The following LIN54 variants were observed in gnomAD, a reference collection of about 807,000 sequenced individuals.
LIN54 encodes protein lin-54 homolog.
In LIN54, 9 loss-of-function variants were observed where a neutral mutation model predicts 78.7. That is an observed-to-expected ratio of 0.11 (90% CI 0.07 to 0.20). The LOEUF is 0.20. LIN54 is among the 10% of genes least tolerant of loss of function. The pLI is 1.00. For missense variants in LIN54, 573 were observed against 889.9 expected (o/e 0.64, Z 4.53); for synonymous variants, 269 against 318.4 (o/e 0.84, Z 1.65).
chr4:82,927,985 G>T lies in LIN54; in HGVS notation c.*117C>A. On this transcript the variant is annotated 3_prime_UTR_variant, in exon 13 of 13. Transcript: ENST00000340417. ...TTCTCCTTCAGTATTATAATTTCAG[G>T]TCTTTTAAAACAAGGACTGAATTAA... 1.3e-6 allele frequency: 1 copy of T among 786,750 alleles called. No individual in the cohort carries two copies. Among genetic ancestry groups the T allele is most frequent in the Non-Finnish European group, 2.1e-6 (1 of 477,514 alleles). 48.7% of individuals were successfully genotyped at this position (786,750 alleles called of 1,614,324 possible).
At chr4:82,954,815 T>A (rs1724152695) in intron 4 of LIN54, among the ~76,000 whole-genome samples, 1 of 152,048 alleles carries the variant, frequency 6.6e-6, no homozygotes, top group Non-Finnish European at 1.5e-5. Context: ...AAGGTCCACA[T>A]GCAAAAAAAG....
chr4:82,967,170 G>T (rs1725272572), intron 4 of LIN54, among the ~76,000 whole-genome samples: 1 of 150,348 alleles, frequency 6.7e-6, no homozygotes, highest in Non-Finnish European at 1.5e-5. Flanking sequence ...AGGTTGCAGT[G>T]AGCCGAGATG....
At chr4:82,931,660 A>C (rs769562266) in intron 11 of LIN54, among the ~76,000 whole-genome samples, 22 of 152,202 alleles carry the variant, frequency 1.4e-4, no homozygotes, top group Non-Finnish European at 2.5e-4. Flanking sequence ...TCAATAACCC[A>C]TATGAAACTA....
intron 1 of LIN54, among the ~76,000 whole-genome samples, chr4:83,004,653 C>T (rs1003078358): frequency 3.5e-5 from 5 of 144,146 alleles, no homozygotes; most frequent in Admixed American, 2.7e-4. Context: ...AGCCATCACA[C>T]TCTGGCCAAT....
In LIN54 at chr4:82,926,951, T is replaced by A. The variant is rs1004007505; in HGVS notation, c.*1151A>T. On this transcript the variant is annotated 3_prime_UTR_variant, in exon 13 of 13. Transcript: ENST00000340417. The stretch of plus-strand genomic sequence containing the variant: ...TCACGAGGTCAGGAGATCGAGACCA[T>A]CCTGGCTAACACGGTGAAACCCCGT... 2 of 152,038 alleles carry A rather than the reference T, an allele frequency of 1.3e-5. No homozygotes were observed. The highest frequency in any genetic ancestry group is 1.3e-4 in the Admixed American group (2 of 15,252). The allele number at this position is 152,038 out of a possible 1,614,324, so 9.4% of individuals were successfully genotyped here.
In LIN54 at chr4:82,941,835, T is replaced by A. The variant is rs77776120; in HGVS notation, c.1169-1873A>T. On this transcript the variant is annotated intron_variant, in intron 5 of 12. Coordinates refer to ENST00000340417, the MANE Select transcript of LIN54 (RefSeq NM_194282.4). ...GTTATTAGAACTAAAAACTCAAGGA[T>A]GAGCTATTTTAAAGGGAGGATGAAA... 1.8e-3 allele frequency among the ~76,000 whole-genome samples: 268 copies of A among 152,242 alleles called. 9 individuals are homozygous for A. The East Asian group carries it at 0.04, about 23-fold the overall frequency.
At chr4:83,006,448 C>CAAAAAA (rs1186424720) in intron 1 of LIN54, among the ~76,000 whole-genome samples, 1 of 60,058 alleles carries the variant, frequency 1.7e-5, no homozygotes, top group Non-Finnish European at 3.4e-5. Context: ...GACTCCGTCT[C>CAAAAAA]AAAAAAAAAA....
intron 4 of LIN54, among the ~76,000 whole-genome samples, chr4:82,967,200 T>TG (rs1725275985): frequency 6.8e-6 from 1 of 146,654 alleles, no homozygotes; most frequent in Non-Finnish European, 1.5e-5. Flanking sequence ...CACTCCAGCC[T>TG]GGTGACAGAG....
At chr4:82,979,936 T>C (rs1238327346) in intron 2 of LIN54, among the ~76,000 whole-genome samples, 29 of 32,608 alleles carry the variant, frequency 8.9e-4, no homozygotes, top group Non-Finnish European at 2.4e-3. Flanking sequence ...TGAGACTCTG[T>C]CTCAAAAAAA....
At chr4:82,987,968 C>A (rs1727321733) in intron 1 of LIN54, among the ~76,000 whole-genome samples, 1 of 152,204 alleles carries the variant, frequency 6.6e-6, no homozygotes, top group Non-Finnish European at 1.5e-5. Context: ...TGTCTTCCAC[C>A]GTGGTTGAAC....
intron 4 of LIN54, among the ~76,000 whole-genome samples, chr4:82,966,591 G>A (rs1382240099): frequency 6.6e-6 from 1 of 152,022 alleles, no homozygotes; most frequent in Non-Finnish European, 1.5e-5. Context: ...ACTGCAAGGA[G>A]AAACTGACAT....
chr4:82,945,799 ATC>A (rs1352953377), intron 5 of LIN54, among the ~76,000 whole-genome samples: 2 of 152,114 alleles, frequency 1.3e-5, no homozygotes, highest in Non-Finnish European at 2.9e-5. Flanking sequence ...TGGCCTTTTA[ATC>A]ACCTTTTTAG....
intron 5 of LIN54, among the ~76,000 whole-genome samples, chr4:82,940,681 G>GT (rs1722781096): frequency 6.6e-6 from 1 of 152,216 alleles, no homozygotes; most frequent in Middle Eastern, 3.2e-3. Context: ...GATTATAGGC[G>GT]TAAGCCACTG....
chr4:82,934,320 C>G (rs911258196), intron 11 of LIN54, among the ~76,000 whole-genome samples: 2 of 152,176 alleles, frequency 1.3e-5, no homozygotes, highest in African/African-American at 4.8e-5. Context: ...GCAGGAGAAT[C>G]GCTTGAACCC....
At chr4:82,959,474 G>A (rs1448772190) in intron 4 of LIN54, among the ~76,000 whole-genome samples, 1 of 151,714 alleles carries the variant, frequency 6.6e-6, no homozygotes, top group African/African-American at 2.4e-5. Context: ...CAGCCTAGGT[G>A]ACAAAGCAAG....
intron 4 of LIN54, among the ~76,000 whole-genome samples, chr4:82,963,797 G>A (rs1486532464): frequency 1.3e-5 from 2 of 151,952 alleles, no homozygotes; most frequent in South Asian, 4.1e-4. Context: ...AGAACATAAA[G>A]ATGAGACAAA....
chr4:83,004,768 GGATTACAGGTGTGA>G (rs774094390), intron 1 of LIN54, among the ~76,000 whole-genome samples: 21 of 152,098 alleles, frequency 1.4e-4, no homozygotes, highest in Non-Finnish European at 2.4e-4. Context: ...CAAGGTGCTG[GGATTACAGGTGTGA>G]GCCACTGTGC....
chr4:82,950,569 T>C (rs769521257), intron 4 of LIN54, among the ~76,000 whole-genome samples: 6 of 152,212 alleles, frequency 3.9e-5, no homozygotes, highest in Non-Finnish European at 8.8e-5. Context: ...GTGCATTCAG[T>C]AAAAATCTTC....
intron 4 of LIN54, among the ~76,000 whole-genome samples, chr4:82,946,884 A>G (rs1723398355): frequency 6.6e-6 from 1 of 152,110 alleles, no homozygotes; most frequent in African/African-American, 2.4e-5. Flanking sequence ...ACCCACCAAA[A>G]TAACTACAAC....
Sources: gnomAD v4.1 joint callset for allele counts (sites outside exome capture counted in the v4.1 genomes callset) on GRCh38, gnomAD v4.1.1 for gene constraint, MANE v1.5 for transcripts, NCBI Gene and HGNC (gene_info 2026-07-23, HGNC 2026-07-21) for gene names.